Variants in ACKR2 observed in about 807,000 individuals in gnomAD.
The protein encoded by ACKR2 is atypical chemokine receptor 2, also known as C-C chemokine receptor D6.
For missense variants in ACKR2, 457 were observed against 477.3 expected (o/e 0.96, Z 0.40); for synonymous variants, 207 against 192.2 (o/e 1.08, Z -0.64).
chr3:42,866,090 C>G lies in ACKR2; in HGVS notation c.*433C>G, dbSNP rs770905293. ...CCCCTGGGTTGAAGCAATTCTCATG[C>G]CTCAGCCTCCCAAGTAGCCAGGACT... On this transcript the variant is annotated 3_prime_UTR_variant, in exon 3 of 3. Transcript: ENST00000422265. 1 of 161,350 alleles carries G rather than the reference C, an allele frequency of 6.2e-6. No individual in the cohort carries two copies. Among genetic ancestry groups the G allele is most frequent in the Non-Finnish European group, 1.4e-5 (1 of 73,656 alleles). 10.0% of individuals were successfully genotyped at this position (161,350 alleles called of 1,614,324 possible). A position where few individuals can be genotyped will look rare whatever the true frequency, so the allele number is the denominator to read the frequency against.
intron 1 of ACKR2, among the ~76,000 whole-genome samples, chr3:42,818,121 T>C (rs1452630885): frequency 6.6e-6 from 1 of 152,222 alleles, no homozygotes; most frequent in Admixed American, 6.5e-5. Context: ...TCTATTCAAC[T>C]GTGTTGGACG....
intron 2 of ACKR2, chr3:42,856,587 C>T (rs2088324131): frequency 1.9e-6 from 1 of 538,028 alleles, no homozygotes; most frequent in African/African-American, 1.9e-5. Context: ...GCATCCCACC[C>T]ATTAAAAGAA....
intron 1 of ACKR2, among the ~76,000 whole-genome samples, chr3:42,810,734 G>GCGCT (rs1468040431): frequency 1.3e-5 from 2 of 152,216 alleles, no homozygotes; most frequent in Non-Finnish European, 2.9e-5. Flanking sequence ...TTGTTCAAGT[G>GCGCT]CGCTCTCATG....
At chr3:42,814,817 A>T (rs1700732756) in intron 1 of ACKR2, among the ~76,000 whole-genome samples, 1 of 152,232 alleles carries the variant, frequency 6.6e-6, no homozygotes, top group Non-Finnish European at 1.5e-5. Flanking sequence ...AGTACTTTGA[A>T]TGAAATTTCA....
rs1193533555 is a variant in ACKR2, at chr3:42,828,092, A to ATATATTTT, written c.-38+8382_-38+8383insATATTTTT. Among the ~76,000 whole-genome samples, 269 of 121,878 alleles carry ATATATTTT rather than the reference A, an allele frequency of 2.2e-3. 1 individual carries two copies. The highest frequency in any genetic ancestry group is 3.4e-3 in the Non-Finnish European group (202 of 59,410). 80.0% of individuals were successfully genotyped at this position (121,878 alleles called of 152,430 possible). The stretch of plus-strand genomic sequence containing the variant: ...GCTTGCATTATATATATATATATAT[A>ATATATTTT]TTTTTTTTTTTTTCTTTTCTTTTCT... On this transcript the variant is annotated intron_variant, in intron 2 of 2. Transcript: ENST00000422265.
intron 1 of ACKR2, among the ~76,000 whole-genome samples, chr3:42,818,570 T>A (rs935273264): frequency 1.3e-5 from 2 of 152,200 alleles, no homozygotes; most frequent in Non-Finnish European, 2.9e-5. Context: ...GACATTGGCA[T>A]AATTTTTTTG....
At chr3:42,864,419 A>G in intron 2 of ACKR2, 47 bp from the exon 3 acceptor site, 1 of 1,501,462 alleles carries the variant, frequency 6.7e-7, no homozygotes, top group Non-Finnish European at 8.9e-7. Context: ...AAGTGGGTTT[A>G]GAGAAAGGTA....
chr3:42,865,628 A>G lies in ACKR2; in HGVS notation c.1126A>G (p.Lys376Glu), dbSNP rs745860478. 5.6e-6 allele frequency: 9 copies of G among 1,612,550 alleles called. No individual in the cohort carries two copies. In the South Asian group the frequency reaches 9.9e-5, roughly 18 times the overall value. Residue 376 changes from lysine to glutamate, a missense_variant, in exon 3 of 3, where the codon AAG becomes GAG. By Grantham distance (56) the Lys-to-Glu change is moderately conservative. Transcript: ENST00000422265. The part of the protein sequence containing the change: ...GERQSENYPN[K>E]EDVGNKSA ...GAGGCAGTCTGAGAACTACCCTAAC[A>G]AGGAGGATGTGGGGAATAAATCAGC...
chr3:42,838,137 A>C (rs1424291516), intron 2 of ACKR2, among the ~76,000 whole-genome samples: 1 of 152,240 alleles, frequency 6.6e-6, no homozygotes, highest in Admixed American at 6.5e-5. Context: ...GGGTAAGCAA[A>C]GATTTCTTAG....
intron 2 of ACKR2, among the ~76,000 whole-genome samples, chr3:42,821,766 G>A (rs967659977): frequency 3.3e-5 from 5 of 151,534 alleles, no homozygotes; most frequent in South Asian, 2.1e-4. Flanking sequence ...GCGCTATCTC[G>A]GCTCACTGCA....
At chr3:42,856,695 G>C (rs911612186) in intron 2 of ACKR2, among the ~76,000 whole-genome samples, 1 of 151,860 alleles carries the variant, frequency 6.6e-6, no homozygotes, top group African/African-American at 2.4e-5. Flanking sequence ...CAGAAGTACG[G>C]GGTAGAGCTG....
intron 2 of ACKR2, among the ~76,000 whole-genome samples, chr3:42,838,175 A>T (rs1701003342): frequency 1.3e-5 from 2 of 152,210 alleles, no homozygotes; most frequent in Non-Finnish European, 2.9e-5. Context: ...TAATCCATAA[A>T]AGAAAAAGTC....
intron 2 of ACKR2, among the ~76,000 whole-genome samples, chr3:42,820,485 C>T (rs551837425): frequency 6.6e-6 from 1 of 151,148 alleles, no homozygotes; most frequent in African/African-American, 2.4e-5. Flanking sequence ...CCCAGCTATT[C>T]TGGAGGCTGA....
At chr3:42,848,200 T>C (rs1362961226) in intron 2 of ACKR2, among the ~76,000 whole-genome samples, 1 of 132,182 alleles carries the variant, frequency 7.6e-6, no homozygotes, top group Admixed American at 8.3e-5. Context: ...GCTAACTCTT[T>C]TAAAAAAAAA....
At chr3:42,841,353 C>T (rs913638300) in intron 2 of ACKR2, among the ~76,000 whole-genome samples, 1 of 152,116 alleles carries the variant, frequency 6.6e-6, no homozygotes, top group South Asian at 2.1e-4. Flanking sequence ...GGGTGACATT[C>T]CAATGAAAGA....
At chr3:42,833,373 GTA>G (rs955614706) in intron 2 of ACKR2, among the ~76,000 whole-genome samples, 1 of 151,982 alleles carries the variant, frequency 6.6e-6, no homozygotes, top group African/African-American at 2.4e-5. Context: ...ATTTTTTAAA[GTA>G]TTTTTTATTT....
intron 2 of ACKR2, among the ~76,000 whole-genome samples, chr3:42,825,757 G>C: frequency 6.6e-6 from 1 of 151,918 alleles, no homozygotes; most frequent in East Asian, 1.9e-4. Flanking sequence ...TCAAATAAAA[G>C]TGGTGAAAGT....
rs1432146370 is a variant in ACKR2 at position 42,856,613 on chromosome 3, A to G, written c.-37-7853A>G. ...ATTAAAAGAATAAATAATTTACAGA[A>G]GAAATACAAGGGGGTATTGAACATA... On this transcript the variant is annotated intron_variant, in intron 2 of 2. Transcript: ENST00000422265. The G allele has an allele frequency of 8.9e-6, 5 of 561,318 alleles. No individual in the cohort carries two copies. The African/African-American group carries it at 9.5e-5, about 11-fold the overall frequency. The allele number at this position is 561,318 out of a possible 1,614,324, so 34.8% of individuals were successfully genotyped here.
intron 2 of ACKR2, among the ~76,000 whole-genome samples, chr3:42,843,103 C>T (rs1027850966): frequency 6.6e-6 from 1 of 151,028 alleles, no homozygotes; most frequent in Non-Finnish European, 1.5e-5. Flanking sequence ...TGGAGTCTCT[C>T]TCTCTCTGTT....
Sources: allele counts gnomAD v4.1 joint callset (sites outside exome capture counted in the v4.1 genomes callset), GRCh38; gene constraint gnomAD v4.1.1; transcripts MANE v1.5; gene names NCBI Gene and HGNC (gene_info 2026-07-23, HGNC 2026-07-21).